UBN2: variants seen among roughly 807,000 people sequenced by gnomAD.
UBN2 encodes ubinuclein 2.
A neutral mutation model predicts 120.2 loss-of-function variants in UBN2; 35 were observed. That is an observed-to-expected ratio of 0.29 (90% CI 0.22 to 0.39). The LOEUF is 0.39. Among genes scored for constraint, UBN2 ranks in the 10% least tolerant of loss-of-function variants. The pLI is 1.00. For missense variants in UBN2, 1,693 were observed against 1,663.2 expected (o/e 1.02, Z -0.31); for synonymous variants, 661 against 648.7 (o/e 1.02, Z -0.29).
downstream of UBN2, among the ~76,000 whole-genome samples, chr7:139,309,559 CAT>C (rs936374868): frequency 9.9e-5 from 15 of 152,102 alleles, no homozygotes; most frequent in African/African-American, 2.2e-4. Context: ...TTTTTTAAAA[CAT>C]ATTTTACCTA....
rs1798368165 is a variant in UBN2, at chr7:139,306,917, A to C, written c.*9081A>C. 1 of 152,248 alleles carries C rather than the reference A, an allele frequency of 6.6e-6. No homozygotes were observed. The highest frequency in any genetic ancestry group is 2.4e-5 in the African/African-American group (1 of 41,478). 9.4% of individuals were successfully genotyped at this position (152,248 alleles called of 1,614,324 possible). A position where few individuals can be genotyped will look rare whatever the true frequency, so the allele number is the denominator to read the frequency against. The stretch of plus-strand genomic sequence containing the variant: ...GCAAGAAAGTTCATTTGCAGTTGTA[A>C]AAATGATTACCGAACTCCAGACCTA... On this transcript the variant is annotated 3_prime_UTR_variant, in exon 18 of 18. Coordinates refer to ENST00000473989, the MANE Select transcript of UBN2 (RefSeq NM_173569.4).
At chr7:139,284,784 T>C (rs1797733164) in intron 15 of UBN2, among the ~76,000 whole-genome samples, 1 of 152,100 alleles carries the variant, frequency 6.6e-6, no homozygotes, top group African/African-American at 2.4e-5. Context: ...ATTTTTTTTT[T>C]TTAAGTAACA....
At chr7:139,312,867 G>A (rs1345301541), downstream of UBN2, among the ~76,000 whole-genome samples, 1 of 152,114 alleles carries the variant, frequency 6.6e-6, no homozygotes, top group Non-Finnish European at 1.5e-5. Context: ...TCTGTATTTA[G>A]TGAAGCAGTT....
chr7:139,329,547 T>G, the UBN2 span, among the ~76,000 whole-genome samples: 1 of 152,192 alleles, frequency 6.6e-6, no homozygotes, highest in Non-Finnish European at 1.5e-5. Context: ...TCATTCCCAC[T>G]GAAACAGAAG....
chr7:139,288,847 C>T (rs1279045739), intron 15 of UBN2, among the ~76,000 whole-genome samples: 4 of 151,674 alleles, frequency 2.6e-5, no homozygotes, highest in Non-Finnish European at 5.9e-5. Context: ...ACTAAAAATA[C>T]AAAAATTAGC....
chr7:139,261,385 C>G lies in UBN2; in HGVS notation c.1039C>G (p.Pro347Ala). 1 of 1,614,158 alleles carries G rather than the reference C, an allele frequency of 6.2e-7. No individual in the cohort carries two copies. The highest frequency in any genetic ancestry group is 8.5e-7 in the Non-Finnish European group (1 of 1,180,036). ...ALKKESNPKV[P>A]VTLSTPSLNK... is the part of the protein sequence containing the mutation. Reference sequence around the variant, plus strand: ...AAAGAAGGAGTCTAACCCCAAAGTCCCAGTGACCTTGTCAACCCCTTCTCT... The same window carrying G: ...AAAGAAGGAGTCTAACCCCAAAGTCGCAGTGACCTTGTCAACCCCTTCTCT... The change falls in exon 6 of 18, where the codon CCA (proline) becomes GCA (alanine). Residue 347 changes from proline (P) to alanine (A), a missense_variant. By Grantham distance (27) the Pro-to-Ala change is conservative. This residue lies in a region of UBN2 where 663 missense variants were observed against 591.2 expected (regional missense o/e 1.12). Transcript: ENST00000473989.
intron 8 of UBN2, among the ~76,000 whole-genome samples, chr7:139,270,286 T>G (rs999771375): frequency 4.0e-5 from 6 of 151,302 alleles, no homozygotes; most frequent in South Asian, 2.1e-4. Context: ...TTTTTTTTTT[T>G]TTTGTGACAG....
chr7:139,321,982 CTT>C, the UBN2 span, among the ~76,000 whole-genome samples: 3 of 146,698 alleles, frequency 2.0e-5, no homozygotes, highest in South Asian at 2.2e-4. Flanking sequence ...GAAAAAGAGA[CTT>C]TTTTTTTTTT....
chr7:139,309,704 TCTA>T (rs1798423641), downstream of UBN2, among the ~76,000 whole-genome samples: 1 of 152,054 alleles, frequency 6.6e-6, no homozygotes, highest in South Asian at 2.1e-4. Flanking sequence ...AACCCCGTCT[TCTA>T]CTAAAAATAC....
At chr7:139,285,618 T>G (rs944870822) in intron 15 of UBN2, among the ~76,000 whole-genome samples, 12 of 152,346 alleles carry the variant, frequency 7.9e-5, no homozygotes, top group African/African-American at 2.9e-4. Context: ...TAGAACATAG[T>G]AATAGCTTTC....
At chr7:139,289,203 A>G in intron 15 of UBN2, among the ~76,000 whole-genome samples, 1 of 152,094 alleles carries the variant, frequency 6.6e-6, no homozygotes, top group East Asian at 1.9e-4. Context: ...CCACTGCTGA[A>G]AGGTCTCCAT....
intron 2 of UBN2, among the ~76,000 whole-genome samples, chr7:139,248,672 T>G (rs1248020718): frequency 6.6e-6 from 1 of 152,286 alleles, no homozygotes; most frequent in East Asian, 1.9e-4. Context: ...TAAAAATATT[T>G]CGTATGTGGC....
chr7:139,268,627 T>C (rs1309300506), intron 7 of UBN2, among the ~76,000 whole-genome samples: 2 of 152,192 alleles, frequency 1.3e-5, no homozygotes, highest in South Asian at 2.1e-4. Context: ...TGTTTTTTTC[T>C]TTTTTCTCTT....
At position 139,304,750 on chromosome 7, in the gene UBN2, A is replaced by C. The variant is rs1267237995; in HGVS notation, c.*6914A>C. ...GTGTGTGTGTGTGTGTCTGTAAGTC[A>C]CTTTTTGGATTTTTGTTGCTTTTTC... On this transcript the variant is annotated 3_prime_UTR_variant, in exon 18 of 18. Transcript: ENST00000473989. 1 of 130,070 alleles carries C rather than the reference A, an allele frequency of 7.7e-6. No individual in the cohort carries two copies. Among genetic ancestry groups the C allele is most frequent in the East Asian group, 2.4e-4 (1 of 4,236 alleles). The allele number at this position is 130,070 out of a possible 1,614,324, so 8.1% of individuals were successfully genotyped here.
Position 139,269,512 on chromosome 7 carries a change from C to G in UBN2, c.1585C>G (p.Leu529Val), listed in dbSNP as rs1397149879. Residue 529 changes from leucine to valine, a missense_variant, in exon 8 of 18, where the codon CTC becomes GTC. Around this residue, in one of 5 missense-constraint regions of UBN2, gnomAD observed 178 missense variants for 204.0 expected, o/e 0.87. Transcript: ENST00000473989. ...TLVKRLKKLHLNVQDDRLREP... is the reference protein window; with the variant it reads ...TLVKRLKKLHVNVQDDRLREP... ...AGTAAAACGTCTGAAGAAGTTACAT[C>G]TCAATGTCCAGGTAAGAGGAAGAAC... is the stretch of plus-strand genomic sequence containing the variant. The G allele has an allele frequency of 6.2e-7, 1 of 1,614,018 alleles. No homozygotes were observed.
chr7:139,259,473 T>C (rs1390564655), intron 5 of UBN2, 103 bp downstream of exon 5: 1 of 1,447,112 alleles, frequency 6.9e-7, no homozygotes, highest in African/African-American at 1.4e-5. Context: ...TAGCTGAGTC[T>C]AATTTAGTAC....
chr7:139,309,079 A>G (rs945951283), downstream of UBN2, among the ~76,000 whole-genome samples: 1 of 152,244 alleles, frequency 6.6e-6, no homozygotes, highest in Admixed American at 6.5e-5. Context: ...AACAAAAAAA[A>G]GAAATTCAGG....
At chr7:139,233,648 C>T (rs771232070) in intron 1 of UBN2, among the ~76,000 whole-genome samples, 9 of 152,070 alleles carry the variant, frequency 5.9e-5, no homozygotes, top group Non-Finnish European at 1.0e-4. Flanking sequence ...TTAAAATTAA[C>T]TCATATAGTT....
chr7:139,267,420 C>T (rs571650828), intron 7 of UBN2, among the ~76,000 whole-genome samples: 4 of 151,712 alleles, frequency 2.6e-5, no homozygotes, highest in Admixed American at 1.3e-4. Flanking sequence ...CCTATCATGT[C>T]GGCTACTCAG....
Sources: allele counts gnomAD v4.1 joint callset (sites outside exome capture counted in the v4.1 genomes callset), GRCh38; gene constraint gnomAD v4.1.1; regional missense constraint gnomAD v4.1.1; transcripts MANE v1.5; gene names NCBI Gene and HGNC (gene_info 2026-07-23, HGNC 2026-07-21).